The following MSRA variants were observed in gnomAD, a reference collection of about 807,000 sequenced individuals.
MSRA encodes the protein methionine sulfoxide reductase A.
A neutral mutation model predicts 31.3 loss-of-function variants in MSRA; 54 were observed. The observed-to-expected ratio is 1.73, with a 90% CI of 1.39 to 2.17. The LOEUF (loss-of-function observed/expected upper bound fraction) is 2.17. Ranked by LOEUF, MSRA falls within the 30% of genes most tolerant of loss-of-function variation. The pLI is 0.00. For synonymous variants in MSRA, 169 were observed against 116.5 expected, an observed-to-expected ratio of 1.45 and a Z score of -2.90; for missense variants, 507 against 300.9, an observed-to-expected ratio of 1.69 and a Z score of -5.07.
chr8:10,078,975 G>A (rs1040864207), intron 1 of MSRA, among the ~76,000 whole-genome samples: 6 of 152,154 alleles, frequency 3.9e-5, no homozygotes, highest in African/African-American at 9.7e-5. Context: ...CTTAGAAGCC[G>A]TGCTAGGGCC....
chr8:10,240,701 T>G (rs977736969), intron 2 of MSRA, among the ~76,000 whole-genome samples: 2 of 152,206 alleles, frequency 1.3e-5, no homozygotes, highest in African/African-American at 4.8e-5. Context: ...CTTCCCTCTC[T>G]GAAGGAACCA....
intron 1 of MSRA, among the ~76,000 whole-genome samples, chr8:10,073,732 G>T (rs1343520941): frequency 6.6e-6 from 1 of 151,772 alleles, no homozygotes; most frequent in African/African-American, 2.4e-5. Context: ...GCCTTCTAAA[G>T]GCACTTTCTA....
intron 1 of MSRA, among the ~76,000 whole-genome samples, chr8:10,195,504 G>C (rs1470187204): frequency 6.6e-6 from 1 of 152,204 alleles, no homozygotes; most frequent in African/African-American, 2.4e-5. Context: ...GCCTCCCCAA[G>C]TGCTAGGATT....
chr8:10,155,287 C>G (rs761182952), intron 1 of MSRA, among the ~76,000 whole-genome samples: 1 of 152,158 alleles, frequency 6.6e-6, no homozygotes, highest in Middle Eastern at 3.4e-3. Flanking sequence ...GTGTTGGACA[C>G]CAACATTTTC....
At chr8:10,122,712 G>T (rs1318643990) in intron 1 of MSRA, among the ~76,000 whole-genome samples, 3 of 151,976 alleles carry the variant, frequency 2.0e-5, no homozygotes, top group Non-Finnish European at 4.4e-5. Flanking sequence ...GGAGGCCCCA[G>T]TGTCTTTTGT....
At chr8:10,348,973 G>GT (rs1453348670) in intron 5 of MSRA, among the ~76,000 whole-genome samples, 63 of 152,124 alleles carry the variant, frequency 4.1e-4, no homozygotes, top group African/African-American at 1.4e-3. Flanking sequence ...CTGGATTTAT[G>GT]TATCTGATGA....
intron 2 of MSRA, among the ~76,000 whole-genome samples, chr8:10,214,256 C>T (rs28570211): frequency 0.013 from 1,971 of 152,176 alleles, 46 homozygotes; most frequent in African/African-American, 0.044. Flanking sequence ...GGAGCAGGGG[C>T]CCGTGGCTGA....
intron 5 of MSRA, among the ~76,000 whole-genome samples, chr8:10,343,723 T>A (rs899205825): frequency 2.0e-5 from 3 of 152,072 alleles, no homozygotes; most frequent in South Asian, 4.1e-4. Context: ...GCTGAAAAAA[T>A]TTTAATATTA....
At chr8:10,211,403 C>G (rs1235955226) in intron 2 of MSRA, among the ~76,000 whole-genome samples, 1 of 152,160 alleles carries the variant, frequency 6.6e-6, no homozygotes, top group African/African-American at 2.4e-5. Context: ...GGCTCTCCCT[C>G]TCCTCTGCCC....
intron 4 of MSRA, among the ~76,000 whole-genome samples, chr8:10,306,075 G>T (rs1297230670): frequency 1.3e-5 from 2 of 152,164 alleles, no homozygotes; most frequent in African/African-American, 2.4e-5. Flanking sequence ...ACTGGCAGGT[G>T]TACATTCCTG....
chr8:10,327,265 C>A (rs1427052983), intron 5 of MSRA, among the ~76,000 whole-genome samples: 1 of 152,110 alleles, frequency 6.6e-6, no homozygotes, highest in Admixed American at 6.5e-5. Context: ...TCCATCCATC[C>A]ACCCACCTGT....
chr8:10,153,817 G>A (rs1288841017), intron 1 of MSRA, among the ~76,000 whole-genome samples: 1 of 152,114 alleles, frequency 6.6e-6, no homozygotes, highest in Non-Finnish European at 1.5e-5. Flanking sequence ...ACATGCAGTT[G>A]GTTTTCAAAT....
At chr8:10,378,602 C>T (rs148504598) in intron 5 of MSRA, among the ~76,000 whole-genome samples, 9 of 152,184 alleles carry the variant, frequency 5.9e-5, no homozygotes, top group Non-Finnish European at 1.2e-4. Flanking sequence ...AGCCTCACCA[C>T]GTGGGCTCCT....
intron 2 of MSRA, among the ~76,000 whole-genome samples, chr8:10,211,583 G>A (rs924814713): frequency 4.6e-5 from 7 of 152,064 alleles, no homozygotes; most frequent in Non-Finnish European, 7.3e-5. Flanking sequence ...AGCTGTGAGT[G>A]CCCCCTTGGC....
chr8:10,382,427 G>C (rs1425548523), intron 5 of MSRA, among the ~76,000 whole-genome samples: 2 of 152,200 alleles, frequency 1.3e-5, no homozygotes, highest in East Asian at 3.9e-4. Context: ...TACTGCATTT[G>C]GTGGAAAGGT....
chr8:10,129,744 A>G (rs1801764398), intron 1 of MSRA, among the ~76,000 whole-genome samples: 1 of 152,166 alleles, frequency 6.6e-6, no homozygotes, highest in South Asian at 2.1e-4. Context: ...AGTTATTAGG[A>G]AAAATAAAGA....
At chr8:10,147,442 C>T (rs1159820727) in intron 1 of MSRA, among the ~76,000 whole-genome samples, 5 of 152,176 alleles carry the variant, frequency 3.3e-5, no homozygotes, top group Non-Finnish European at 5.9e-5. Context: ...GTCCTCACAA[C>T]GTAGTGGCTG....
chr8:10,347,138 C>T (rs1273001713), intron 5 of MSRA, among the ~76,000 whole-genome samples: 2 of 152,302 alleles, frequency 1.3e-5, no homozygotes, highest in African/African-American at 4.8e-5. Context: ...CCCTTTTGGT[C>T]CAAACACTCC....
At chr8:10,412,183 C>A (rs1350007957) in intron 5 of MSRA, among the ~76,000 whole-genome samples, 2 of 152,208 alleles carry the variant, frequency 1.3e-5, no homozygotes, top group Non-Finnish European at 2.9e-5. Context: ...GAAAATGTTT[C>A]CGTTTTTAGT....
Sources: gnomAD v4.1 joint callset for allele counts (sites outside exome capture counted in the v4.1 genomes callset) on GRCh38, gnomAD v4.1.1 for gene constraint, MANE v1.5 for transcripts, NCBI Gene and HGNC (gene_info 2026-07-23, HGNC 2026-07-21) for gene names.